Variants in PCDHA4 observed in about 807,000 individuals in gnomAD.
The protein encoded by PCDHA4 is protocadherin alpha 4, also known as protocadherin alpha-4.
In PCDHA4, 49 loss-of-function variants were observed where a neutral mutation model predicts 61.4. The ratio of observed to expected loss-of-function variants is 0.80; its 90% CI spans 0.63 to 1.01. PCDHA4 has a LOEUF of 1.01. Ranked by LOEUF, PCDHA4 falls within the 50% of genes least tolerant of loss-of-function variation. The pLI, the probability that PCDHA4 is intolerant of heterozygous loss-of-function variation, is 0.00. For synonymous variants in PCDHA4, 590 were observed against 550.3 expected, an observed-to-expected ratio of 1.07 and a Z score of -1.01; for missense variants, 1,254 against 1,235.8, an observed-to-expected ratio of 1.01 and a Z score of -0.22.
intron 1 of PCDHA4, among the ~76,000 whole-genome samples, chr5:140,930,604 G>C (rs2086982661): frequency 6.6e-6 from 1 of 152,108 alleles, no homozygotes; most frequent in South Asian, 2.1e-4. Flanking sequence ...AGAAATCCTA[G>C]ATGCAAGAGA....
rs1029317869 is a variant in PCDHA4 at position 140,928,735 on chromosome 5, A to G, written c.2386-50214A>G. ...TAGTCTCTTTAGAATTTCAGCCAAT[A>G]TAGGTGAGCTCCGTACTGCTCGCTT... On this transcript the variant is annotated intron_variant, in intron 1 of 3. Coordinates refer to ENST00000530339, the MANE Select transcript of PCDHA4 (RefSeq NM_018907.4). 35 of 1,614,082 alleles carry G rather than the reference A, an allele frequency of 2.2e-5. No individual in the cohort carries two copies. The highest frequency in any genetic ancestry group is 2.9e-5 in the Non-Finnish European group (34 of 1,180,020).
intron 1 of PCDHA4, among the ~76,000 whole-genome samples, chr5:140,935,203 A>T (rs1403808889): frequency 6.6e-6 from 1 of 152,160 alleles, no homozygotes; most frequent in African/African-American, 2.4e-5. Flanking sequence ...GTTTCTAGGT[A>T]TCTTCAGCTA....
intron 1 of PCDHA4, chr5:140,882,497 G>A (rs1554174299): frequency 6.2e-7 from 1 of 1,614,140 alleles, no homozygotes; most frequent in South Asian, 1.1e-5. Context: ...CCTTCTGGAG[G>A]TAAATCTGCA....
At chr5:140,843,377 G>A (rs2150358675) in intron 1 of PCDHA4, 17 of 1,596,146 alleles carry the variant, frequency 1.1e-5, no homozygotes, top group Middle Eastern at 1.7e-4. Context: ...GTCGGCTGGC[G>A]TTTTGGGTCC....
In PCDHA4 at chr5:140,876,048, T is replaced by A. The variant is rs376201695; in HGVS notation, c.2385+66476T>A. 5 of 1,613,812 alleles carry A rather than the reference T, an allele frequency of 3.1e-6. No individual in the cohort carries two copies. In the African/African-American group the frequency reaches 5.3e-5, roughly 17 times the overall value. On this transcript the variant is annotated intron_variant, in intron 1 of 3. Transcript: ENST00000530339. ...CAAAAAAAGATAAAAGTATATTGCC[T>A]GAATTAGTTCTTCGGAAGTTATTGG...
chr5:140,855,827 A>G lies in PCDHA4; in HGVS notation c.2385+46255A>G. 2 of 557,722 alleles carry G rather than the reference A, an allele frequency of 3.6e-6. 1 individual carries two copies. Among genetic ancestry groups the G allele is most frequent in the South Asian group, 5.7e-5 (2 of 35,188 alleles). 34.5% of individuals were successfully genotyped at this position (557,722 alleles called of 1,614,324 possible). A position where few individuals can be genotyped will look rare whatever the true frequency, so the allele number is the denominator to read the frequency against. The stretch of plus-strand genomic sequence containing the variant: ...GAAAGAAAAGTTGTGAACTCATGGA[A>G]TCGTACTTACACCTAAAGCCACCGG... On this transcript the variant is annotated intron_variant, in intron 1 of 3. Coordinates refer to ENST00000530339, the MANE Select transcript of PCDHA4 (RefSeq NM_018907.4).
Position 140,850,271 on chromosome 5 carries a change from G to T in PCDHA4, c.2385+40699G>T, listed in dbSNP as rs2150476864. 1.9e-6 allele frequency: 3 copies of T among 1,595,372 alleles called. No homozygotes were observed. The South Asian group carries it at 3.3e-5, about 18-fold the overall frequency. On this transcript the variant is annotated intron_variant, in intron 1 of 3. Coordinates refer to ENST00000530339, the MANE Select transcript of PCDHA4 (RefSeq NM_018907.4). ...CGGTGGGCGCCGGCGTAGTGGTGGG[G>T]AAGGTGCGCGCAGTGGACGCCGACT...
chr5:140,817,146 C>T (rs2126678028), intron 1 of PCDHA4: 109 of 152,324 alleles, frequency 7.2e-4, no homozygotes, highest in African/African-American at 2.5e-3. Flanking sequence ...TGCCAGGTTC[C>T]ATCAGTGCTC....
chr5:140,942,511 CAG>C (rs574477918), intron 1 of PCDHA4, among the ~76,000 whole-genome samples: 21 of 151,458 alleles, frequency 1.4e-4, no homozygotes, highest in Non-Finnish European at 2.8e-4. Flanking sequence ...CTAGGAAACT[CAG>C]AGGGGAAGCA....
chr5:140,944,929 C>T (rs1387660974), intron 1 of PCDHA4, among the ~76,000 whole-genome samples: 1 of 152,052 alleles, frequency 6.6e-6, no homozygotes, highest in Non-Finnish European at 1.5e-5. Flanking sequence ...TGGTTTATGC[C>T]TTCTTTAGAT....
chr5:140,843,381 T>G lies in PCDHA4; in HGVS notation c.2385+33809T>G, dbSNP rs2150358739. The G allele has an allele frequency of 6.3e-6, 10 of 1,595,976 alleles. 2 individuals carry two copies. The African/African-American group carries it at 1.2e-4, about 19-fold the overall frequency. On this transcript the variant is annotated intron_variant, in intron 1 of 3. Coordinates refer to ENST00000530339, the MANE Select transcript of PCDHA4 (RefSeq NM_018907.4). ...TCATCGAGGCAGTCGGCTGGCGTTT[T>G]GGGTCCGGAAGCGGCGCTGGTGGAT...
At position 140,830,572 on chromosome 5, in the gene PCDHA4, T is replaced by C. The variant is rs1012149476; in HGVS notation, c.2385+21000T>C. 7 of 871,722 alleles carry C rather than the reference T, an allele frequency of 8.0e-6. No individual in the cohort carries two copies. In the African/African-American group the frequency reaches 1.2e-4, roughly 15 times the overall value. 54.0% of individuals were successfully genotyped at this position (871,722 alleles called of 1,614,324 possible). On this transcript the variant is annotated intron_variant, in intron 1 of 3. Coordinates refer to ENST00000530339, the MANE Select transcript of PCDHA4 (RefSeq NM_018907.4). The stretch of plus-strand genomic sequence containing the variant: ...TATTTGTCTTCTATATTTCTGTTTT[T>C]AATTTTTAATTAATTTTACAAAATT...
At chr5:140,983,517 G>A (rs1475712929) in intron 3 of PCDHA4, among the ~76,000 whole-genome samples, 2 of 152,196 alleles carry the variant, frequency 1.3e-5, no homozygotes, top group African/African-American at 4.8e-5. Flanking sequence ...TAGACACTGT[G>A]CCAAGTACAT....
chr5:140,930,453 C>G (rs1195640207), intron 1 of PCDHA4: 6 of 152,300 alleles, frequency 3.9e-5, no homozygotes, highest in African/African-American at 1.5e-4. Flanking sequence ...AAACTCCTAG[C>G]CTCAAGTGAT....
chr5:140,827,954 T>A, intron 1 of PCDHA4: 1 of 1,280,932 alleles, frequency 7.8e-7, no homozygotes, highest in East Asian at 2.3e-5. Flanking sequence ...CATTCAAATT[T>A]CTTCTATTAC....
At chr5:141,009,529 T>G in intron 3 of PCDHA4, 98 bp from the exon 4 acceptor site, 1 of 1,505,630 alleles carries the variant, frequency 6.6e-7, no homozygotes, top group Non-Finnish European at 8.9e-7. Context: ...TCTGGGGAGG[T>G]TCAGCCTGCC....
chr5:140,850,940 A>G (rs2150503150), intron 1 of PCDHA4: 2 of 1,507,156 alleles, frequency 1.3e-6, no homozygotes, highest in East Asian at 2.3e-5. Context: ...TTCTTGAAAG[A>G]TATTATCGAT....
chr5:140,879,948 C>T (rs1025902128), intron 1 of PCDHA4, among the ~76,000 whole-genome samples: 1 of 152,168 alleles, frequency 6.6e-6, no homozygotes, highest in Non-Finnish European at 1.5e-5. Context: ...ATTTAGGGCC[C>T]ATCTGGATAA....
intron 1 of PCDHA4, chr5:140,815,642 T>A (rs1349424148): frequency 6.6e-6 from 1 of 152,128 alleles, no homozygotes; most frequent in Non-Finnish European, 1.5e-5. Context: ...AGTATTCTGT[T>A]TTTATCTATA....
Sources: gnomAD v4.1 joint callset for allele counts (sites outside exome capture counted in the v4.1 genomes callset) on GRCh38, gnomAD v4.1.1 for gene constraint, MANE v1.5 for transcripts, NCBI Gene and HGNC (gene_info 2026-07-23, HGNC 2026-07-21) for gene names.